NT5DC1: variants seen among roughly 807,000 people sequenced by gnomAD.
The protein encoded by NT5DC1 is 5'-nucleotidase domain-containing protein 1.
Under a neutral mutation model 59.4 loss-of-function variants are expected in NT5DC1, and 42 were observed. The observed-to-expected ratio is 0.71, with a 90% CI of 0.55 to 0.92. The LOEUF is 0.92. Ranked by LOEUF, NT5DC1 falls within the 40% of genes least tolerant of loss-of-function variation. The probability of loss-of-function intolerance (pLI) is 0.00; values close to 1 mark genes in which losing one functional copy is unlikely to be tolerated. For synonymous variants in NT5DC1, 172 were observed against 188.1 expected (o/e 0.91, Z 0.70); for missense variants, 501 against 537.1 (o/e 0.93, Z 0.66).
At chr6:116,121,120 C>T in intron 6 of NT5DC1, 1 of 1,613,602 alleles carries the variant, frequency 6.2e-7, no homozygotes, top group Non-Finnish European at 8.5e-7. Flanking sequence ...GACCTGGCTT[C>T]CCAGGAAGAC....
chr6:116,129,698 T>A (rs572551686), intron 6 of NT5DC1, among the ~76,000 whole-genome samples: 33 of 152,294 alleles, frequency 2.2e-4, no homozygotes, highest in African/African-American at 7.5e-4. Flanking sequence ...AATTACCCCG[T>A]CTGTGGCATT....
chr6:116,223,777 A>G (rs907489323), intron 8 of NT5DC1, among the ~76,000 whole-genome samples: 1 of 152,248 alleles, frequency 6.6e-6, no homozygotes, highest in Admixed American at 6.5e-5. Context: ...GTAGTTTCAA[A>G]TAAGCTCAAT....
rs199814768 is a variant in NT5DC1, at chr6:116,114,529, TG to T, written c.365-1156del. ...AACCTCATATACATAGCTTGCAAAT[TG>T]GGGGGAGGGGGGGGGAGTCAAAATC... is the stretch of plus-strand genomic sequence containing the variant. On this transcript the variant is annotated intron_variant, in intron 4 of 11. Coordinates refer to ENST00000319550, the MANE Select transcript of NT5DC1 (RefSeq NM_152729.3). 2.0e-4 allele frequency among the ~76,000 whole-genome samples: 5 copies of T among 25,248 alleles called. 1 individual carries two copies. The highest frequency in any genetic ancestry group is 3.7e-4 in the Non-Finnish European group (5 of 13,456). The allele number at this position is 25,248 out of a possible 152,430, so 16.6% of individuals were successfully genotyped here.
At chr6:116,224,676 G>A (rs1198065929) in intron 8 of NT5DC1, among the ~76,000 whole-genome samples, 2 of 152,238 alleles carry the variant, frequency 1.3e-5, no homozygotes, top group Non-Finnish European at 1.5e-5. Context: ...TAACAGAGAA[G>A]AGACCTGCCA....
chr6:116,131,972 A>G (rs1041658769), intron 6 of NT5DC1, among the ~76,000 whole-genome samples: 2 of 152,206 alleles, frequency 1.3e-5, no homozygotes, highest in African/African-American at 2.4e-5. Flanking sequence ...AATGGCCTCC[A>G]GCACCACATG....
chr6:116,145,107 C>G (rs1037773646), intron 6 of NT5DC1, among the ~76,000 whole-genome samples: 2 of 152,108 alleles, frequency 1.3e-5, no homozygotes, highest in Non-Finnish European at 2.9e-5. Flanking sequence ...ATAAGAACTT[C>G]TGGTTTCTGT....
At position 116,223,049 on chromosome 6, in the gene NT5DC1, C is replaced by T; in HGVS notation, c.720C>T (p.Asp240=). The change falls in exon 8 of 12, where the codon GAC becomes GAT. Residue 240 remains aspartate (D), a synonymous_variant. Transcript: ENST00000319550. ...CEYILGNDFT[D]LFDIVITNAL... ...TTGCTTTTAGGAATGATTTTACAGA[C>T]CTTTTTGACATTGTGATTACAAATG... 2.5e-6 allele frequency: 4 copies of T among 1,592,116 alleles called. No individual in the cohort carries two copies. Among genetic ancestry groups the T allele is most frequent in the Non-Finnish European group, 3.4e-6 (4 of 1,161,382 alleles).
At chr6:116,143,440 T>G (rs2114372524) in intron 6 of NT5DC1, among the ~76,000 whole-genome samples, 1 of 152,248 alleles carries the variant, frequency 6.6e-6, no homozygotes, top group South Asian at 2.1e-4. Flanking sequence ...TCTTGATCTC[T>G]TAACCTTGTG....
chr6:116,239,132 G>T lies in NT5DC1; in HGVS notation c.1252+9G>T, dbSNP rs1378252087. 1 of 1,593,644 alleles carries T rather than the reference G, an allele frequency of 6.3e-7. No individual in the cohort carries two copies. Among genetic ancestry groups the T allele is most frequent in the African/African-American group, 1.3e-5 (1 of 74,482 alleles). ...TATTGAAGCAATCGCAGGTAAGGGG[G>T]AAAATACCTATAAAGCTTCACCTGT... is the stretch of plus-strand genomic sequence containing the variant. On this transcript the variant is annotated intron_variant, in intron 11 of 11. Coordinates refer to ENST00000319550, the MANE Select transcript of NT5DC1 (RefSeq NM_152729.3).
Position 116,146,565 on chromosome 6 carries a change from A to C in NT5DC1, c.529+28620A>C, listed in dbSNP as rs115360375. Reference sequence around the variant, plus strand: ...ATGTGCCAGGGGGAAGAGAAGGTTAAATAAATTATTGTTAAATGAATTAAA... The same window carrying C: ...ATGTGCCAGGGGGAAGAGAAGGTTACATAAATTATTGTTAAATGAATTAAA... On this transcript the variant is annotated intron_variant, in intron 6 of 11. Transcript: ENST00000319550. 8.6e-3 allele frequency among the ~76,000 whole-genome samples: 1,309 copies of C among 152,348 alleles called. 16 individuals are homozygous for C. The highest frequency in any genetic ancestry group is 0.029 in the African/African-American group (1,202 of 41,570).
chr6:116,202,231 A>ATTCTGGG (rs1781364263), intron 6 of NT5DC1, among the ~76,000 whole-genome samples: 2 of 152,128 alleles, frequency 1.3e-5, no homozygotes, highest in Non-Finnish European at 2.9e-5. Flanking sequence ...CCTTCCTTGC[A>ATTCTGGG]CACACTTGGC....
intron 8 of NT5DC1, among the ~76,000 whole-genome samples, chr6:116,231,639 C>G (rs1231390109): frequency 6.6e-6 from 1 of 152,172 alleles, no homozygotes; most frequent in Non-Finnish European, 1.5e-5. Context: ...ATTTCTAGCT[C>G]AGATTCTGTT....
chr6:116,232,201 T>C (rs781364991), intron 8 of NT5DC1, among the ~76,000 whole-genome samples: 15 of 152,286 alleles, frequency 9.8e-5, no homozygotes, highest in Admixed American at 2.6e-4. Context: ...TTTAATTTAA[T>C]CCAGCCTTTA....
At chr6:116,141,121 G>A (rs1409519524) in intron 6 of NT5DC1, among the ~76,000 whole-genome samples, 5 of 152,150 alleles carry the variant, frequency 3.3e-5, no homozygotes, top group African/African-American at 1.2e-4. Context: ...CCAACCAGTG[G>A]TTGTAAAATG....
At chr6:116,166,096 G>C (rs1045362857) in intron 6 of NT5DC1, among the ~76,000 whole-genome samples, 7 of 152,102 alleles carry the variant, frequency 4.6e-5, no homozygotes. Context: ...CTTATTGCAG[G>C]GGTGAAGGGA....
At chr6:116,178,096 C>CGCGCGT (rs1554198231) in intron 6 of NT5DC1, among the ~76,000 whole-genome samples, 1 of 107,826 alleles carries the variant, frequency 9.3e-6, no homozygotes, top group Non-Finnish European at 1.9e-5. Flanking sequence ...TGTGCGCGCG[C>CGCGCGT]GCGCGCGTGC....
At chr6:116,147,754 C>T (rs891218814) in intron 6 of NT5DC1, among the ~76,000 whole-genome samples, 20 of 152,054 alleles carry the variant, frequency 1.3e-4, no homozygotes, top group African/African-American at 4.4e-4. Context: ...ATTACAGATA[C>T]GGTTGCATGT....
At chr6:116,108,207 T>C (rs1421344279) in intron 2 of NT5DC1, among the ~76,000 whole-genome samples, 157 bp from the exon 3 acceptor site, 1 of 152,240 alleles carries the variant, frequency 6.6e-6, no homozygotes, top group Non-Finnish European at 1.5e-5. Context: ...TATTTAATTT[T>C]ACAGTTCTTA....
At chr6:116,221,334 C>T in intron 7 of NT5DC1, 106 bp downstream of exon 7, 1 of 693,650 alleles carries the variant, frequency 1.4e-6, no homozygotes, top group African/African-American at 1.8e-5. Flanking sequence ...TTATTTTAAA[C>T]AATGCTGAGT....
Sources: allele counts gnomAD v4.1 joint callset (sites outside exome capture counted in the v4.1 genomes callset), GRCh38; gene constraint gnomAD v4.1.1; transcripts MANE v1.5; gene names NCBI Gene and HGNC (gene_info 2026-07-23, HGNC 2026-07-21).